Variants in SOX6 observed in about 807,000 individuals in gnomAD.
SOX6 encodes the protein transcription factor SOX-6.
In SOX6, 11 loss-of-function variants were observed where a neutral mutation model predicts 97.8. The observed-to-expected ratio is 0.11, with a 90% CI of 0.07 to 0.19. SOX6 has a LOEUF of 0.19. Among genes scored for constraint, SOX6 ranks in the 10% least tolerant of loss-of-function variants. The probability of loss-of-function intolerance (pLI) is 1.00; values close to 1 mark genes in which losing one functional copy is unlikely to be tolerated. For synonymous variants in SOX6, 360 were observed against 371.4 expected, an observed-to-expected ratio of 0.97 and a Z score of 0.35; for missense variants, 810 against 1,039.5, an observed-to-expected ratio of 0.78 and a Z score of 3.04.
intron 13 of SOX6, among the ~76,000 whole-genome samples, chr11:16,013,604 C>T (rs150595863): frequency 5.9e-5 from 9 of 152,078 alleles, no homozygotes; most frequent in East Asian, 5.8e-4. Flanking sequence ...CCCTCTTCTT[C>T]GTTCCTTTCC....
intron 4 of SOX6, among the ~76,000 whole-genome samples, chr11:16,564,756 CACTAA>C (rs1847851273): frequency 6.6e-6 from 1 of 151,658 alleles, no homozygotes; most frequent in Admixed American, 6.6e-5. Flanking sequence ...AAAAAAGAAA[CACTAA>C]ACTAAGTGAA....
At chr11:16,189,721 T>C (rs908989755) in intron 4 of SOX6, among the ~76,000 whole-genome samples, 1 of 152,194 alleles carries the variant, frequency 6.6e-6, no homozygotes, top group African/African-American at 2.4e-5. Context: ...AAATGGGATG[T>C]ATACGTATTT....
chr11:16,349,225 A>G (rs1427346797), intron 1 of SOX6, among the ~76,000 whole-genome samples: 2 of 152,224 alleles, frequency 1.3e-5, no homozygotes, highest in Non-Finnish European at 2.9e-5. Context: ...TCAAATTTAT[A>G]TCATTCCTTC....
At chr11:16,253,162 A>G (rs968590338) in intron 3 of SOX6, among the ~76,000 whole-genome samples, 2 of 152,168 alleles carry the variant, frequency 1.3e-5, no homozygotes, top group Non-Finnish European at 2.9e-5. Flanking sequence ...AGCCTGACTA[A>G]CATGGAGAAA....
At chr11:16,015,244 C>T in intron 12 of SOX6, 194 bp from the exon 13 acceptor site, 2 of 611,158 alleles carry the variant, frequency 3.3e-6, no homozygotes, top group South Asian at 1.9e-5. Context: ...AGCATCTAGA[C>T]CATAGTACCT....
chr11:16,654,149 T>C (rs1847691932), intron 3 of SOX6, among the ~76,000 whole-genome samples: 1 of 152,194 alleles, frequency 6.6e-6, no homozygotes, highest in East Asian at 1.9e-4. Context: ...TCAAAAGTGC[T>C]ACATATTGTC....
At chr11:16,585,641 G>A (rs1848082762) in intron 4 of SOX6, among the ~76,000 whole-genome samples, 2 of 151,712 alleles carry the variant, frequency 1.3e-5, no homozygotes, top group East Asian at 3.9e-4. Context: ...ATGGGGCGGG[G>A]GAGTCAACAA....
intron 9 of SOX6, among the ~76,000 whole-genome samples, chr11:16,059,238 T>C (rs1465472892): frequency 6.6e-6 from 1 of 152,088 alleles, no homozygotes; most frequent in Non-Finnish European, 1.5e-5. Flanking sequence ...TAAATGAAAA[T>C]GTTAATCTGC....
chr11:16,445,250 T>C (rs1590206591), intron 1 of SOX6, among the ~76,000 whole-genome samples: 2 of 152,262 alleles, frequency 1.3e-5, no homozygotes, highest in South Asian at 2.1e-4. Flanking sequence ...ACTCAATAAG[T>C]CAGGAAACTG....
intron 6 of SOX6, among the ~76,000 whole-genome samples, chr11:16,113,524 T>G (rs1371532190): frequency 6.6e-6 from 1 of 152,174 alleles, no homozygotes; most frequent in Non-Finnish European, 1.5e-5. Context: ...TCTAGCTTGT[T>G]GTACCCTGAT....
intron 3 of SOX6, among the ~76,000 whole-genome samples, chr11:16,260,212 C>T (rs927337944): frequency 9.9e-5 from 15 of 151,748 alleles, no homozygotes; most frequent in African/African-American, 3.1e-4. Context: ...ATGTTAGCCA[C>T]GATGGTCTCG....
intron 3 of SOX6, among the ~76,000 whole-genome samples, chr11:16,659,207 T>A (rs1025531044): frequency 6.6e-6 from 1 of 152,260 alleles, no homozygotes; most frequent in Non-Finnish European, 1.5e-5. Flanking sequence ...TATCAGTTAA[T>A]TTTTGTGGAA....
chr11:16,691,905 G>T (rs917749938), intron 3 of SOX6, among the ~76,000 whole-genome samples: 1 of 152,158 alleles, frequency 6.6e-6, no homozygotes, highest in African/African-American at 2.4e-5. Context: ...TAAACCAGAT[G>T]CATCTACTCC....
chr11:16,692,503 G>C (rs567689253), intron 3 of SOX6, among the ~76,000 whole-genome samples: 1 of 152,156 alleles, frequency 6.6e-6, no homozygotes, highest in South Asian at 2.1e-4. Context: ...GTCTCTCCCT[G>C]TAGAGGTATT....
At chr11:16,082,611 C>T (rs1446464351) in intron 9 of SOX6, among the ~76,000 whole-genome samples, 1 of 152,150 alleles carries the variant, frequency 6.6e-6, no homozygotes, top group Non-Finnish European at 1.5e-5. Context: ...TATCATTACA[C>T]TATTTGTACA....
chr11:16,113,000 C>T (rs1174258044), intron 6 of SOX6, among the ~76,000 whole-genome samples: 1 of 152,112 alleles, frequency 6.6e-6, no homozygotes. Flanking sequence ...AGATACAAAC[C>T]TTTACCAGTA....
intron 1 of SOX6, among the ~76,000 whole-genome samples, chr11:16,346,444 A>G (rs1365574641): frequency 6.6e-6 from 1 of 152,030 alleles, no homozygotes; most frequent in Non-Finnish European, 1.5e-5. Flanking sequence ...AATTCTAGAC[A>G]TTAAAATGAA....
At chr11:16,592,217 C>A (rs901917278) in intron 4 of SOX6, among the ~76,000 whole-genome samples, 2 of 151,072 alleles carry the variant, frequency 1.3e-5, no homozygotes, top group South Asian at 4.2e-4. Flanking sequence ...GAAGTTCTCC[C>A]GAACAAACCT....
chr11:16,208,119 T>C (rs1011437621), intron 4 of SOX6, among the ~76,000 whole-genome samples: 7 of 152,166 alleles, frequency 4.6e-5, no homozygotes, highest in Non-Finnish European at 1.0e-4. Context: ...TTAAAGAAAT[T>C]AATTTCCTTC....
Sources: gnomAD v4.1 joint callset for allele counts (sites outside exome capture counted in the v4.1 genomes callset) on GRCh38, gnomAD v4.1.1 for gene constraint, MANE v1.5 for transcripts, NCBI Gene and HGNC (gene_info 2026-07-23, HGNC 2026-07-21) for gene names.